EFEMP2: variants seen among roughly 807,000 people sequenced by gnomAD.
EFEMP2 encodes EGF-like fibulin extracellular matrix protein 2, also known as EGF-containing fibulin-like extracellular matrix protein 2.
EFEMP2 carries 21 observed loss-of-function variants against 55.3 expected under a neutral mutation model. The observed-to-expected ratio is 0.38, with a 90% confidence interval of 0.27 to 0.55. The LOEUF is 0.55. EFEMP2 is among the 20% of genes least tolerant of loss of function. The probability of loss-of-function intolerance (pLI) is 0.77; values close to 1 mark genes in which losing one functional copy is unlikely to be tolerated. For synonymous variants in EFEMP2, 275 were observed against 242.3 expected, an observed-to-expected ratio of 1.14 and a Z score of -1.25; for missense variants, 513 against 615.1, an observed-to-expected ratio of 0.83 and a Z score of 1.76.
chr11:65,866,900 G>A lies in EFEMP2; in HGVS notation c.*18C>T. ...CTCAGCTAGGGTAGCTGCAGGGAGG[G>A]TGGCTCCCTCCTGCTCCTCAGAAGG... On this transcript the variant is annotated 3_prime_UTR_variant, in exon 11 of 11. Coordinates refer to ENST00000307998, the MANE Select transcript of EFEMP2 (RefSeq NM_016938.5). 2 of 1,614,004 alleles carry A rather than the reference G, an allele frequency of 1.2e-6. No individual in the cohort carries two copies. The highest frequency in any genetic ancestry group is 1.7e-6 in the Non-Finnish European group (2 of 1,179,948).
chr11:65,869,817 G>A (rs1859932179), intron 7 of EFEMP2, 40 bp downstream of exon 7: 1 of 1,612,480 alleles, frequency 6.2e-7, no homozygotes, highest in Non-Finnish European at 8.5e-7. Flanking sequence ...TAGGGCCTGG[G>A]GGTCCACAGA....
At chr11:65,867,836 C>A in intron 10 of EFEMP2, 25 bp downstream of exon 10, 1 of 1,612,820 alleles carries the variant, frequency 6.2e-7, no homozygotes, top group Non-Finnish European at 8.5e-7. Context: ...TTGTGCATGT[C>A]AGTTGAGGGT....
rs746264126 is a variant in EFEMP2 at position 65,872,271 on chromosome 11, C to T, written c.84G>A (p.Gln28=). Residue 28 remains glutamine, a synonymous_variant, in exon 2 of 11, where the codon CAG becomes CAA. Transcript: ENST00000307998. ...TGTAGCTGTCGGGCTCTTCAGAATC[C>T]TGAGGAGAAGCTGATCCCAAGAGCA... ...LLLLLGSASP[Q]DSEEPDSYTE... is the part of the protein sequence containing the mutation. 7 of 1,551,650 alleles carry T rather than the reference C, an allele frequency of 4.5e-6. No homozygotes were observed. In the South Asian group the frequency reaches 8.3e-5, roughly 18 times the overall value.
intron 7 of EFEMP2, chr11:65,868,885 G>C: frequency 2.0e-6 from 1 of 507,908 alleles, no homozygotes; most frequent in East Asian, 3.7e-5. Context: ...AGAGGCTTGG[G>C]TGTGAATCCC....
chr11:65,869,249 T>C (rs1391669388), intron 7 of EFEMP2: 6 of 191,566 alleles, frequency 3.1e-5, no homozygotes. Context: ...AGCTGAATCA[T>C]GAAAGTCACC....
chr11:65,870,020 A>G, intron 6 of EFEMP2, 44 bp from the exon 7 acceptor site: 1 of 1,612,722 alleles, frequency 6.2e-7, no homozygotes, highest in East Asian at 2.2e-5. Context: ...GCGGAGGAGG[A>G]GCCCAGAGCC....
rs1399832208 is a variant in EFEMP2 at position 65,872,313 on chromosome 11, G to A, written c.42C>T (p.Leu14=). 6.4e-7 allele frequency: 1 copy of A among 1,551,616 alleles called. No homozygotes were observed. Among genetic ancestry groups the A allele is most frequent in the East Asian group, 2.4e-5 (1 of 40,956 alleles). The change falls in exon 2 of 11, where the codon CTC becomes CTT. Residue 14 remains leucine, a synonymous_variant. Transcript: ENST00000307998. ...CCAAGAGCAACAGTAGCAGCGCCCA[G>A]AGCAGTAGAGACCCGGGTAGGCAGG... The part of the protein sequence containing the change: ...CASCLPGSLL[L]WALLLLLLGS...
chr11:65,869,243 G>A (rs1464699021), intron 7 of EFEMP2: 2 of 192,764 alleles, frequency 1.0e-5, no homozygotes, highest in East Asian at 2.5e-4. Context: ...TCTCTTAGCT[G>A]AATCATGAAA....
rs537527660 is a variant in EFEMP2 at position 65,867,399 on chromosome 11, C to T, written c.1171-320G>A. The T allele has an allele frequency of 1.2e-3, 565 of 482,954 alleles. 1 individual carries two copies. Among genetic ancestry groups the T allele is most frequent in the African/African-American group, 0.01 (518 of 51,406 alleles). 29.9% of individuals were successfully genotyped at this position (482,954 alleles called of 1,614,324 possible). ...TTTGGTGACCCAAAGTGAGCAGACTCCCTTCAGAGCATTCAATTTCAAAAA... is the reference window on the plus strand; with the variant it reads ...TTTGGTGACCCAAAGTGAGCAGACTTCCTTCAGAGCATTCAATTTCAAAAA... On this transcript the variant is annotated intron_variant, in intron 10 of 10. Transcript: ENST00000307998.
chr11:65,868,925 C>T, intron 7 of EFEMP2: 1 of 429,746 alleles, frequency 2.3e-6, no homozygotes, highest in East Asian at 5.0e-5. Flanking sequence ...TCTCATTTTC[C>T]CAATCAGTAA....
chr11:65,868,870 A>G (rs1859914020), intron 7 of EFEMP2: 1 of 532,760 alleles, frequency 1.9e-6, no homozygotes, highest in Non-Finnish European at 3.4e-6. Context: ...AGTTACTGGG[A>G]ATCTAGAGGC....
chr11:65,866,773 C>T lies in EFEMP2; in HGVS notation c.*145G>A. On this transcript the variant is annotated 3_prime_UTR_variant, in exon 11 of 11. Transcript: ENST00000307998. ...GCCTGCCCCCCCAAGTGCCACCCTG[C>T]CCCAGCCTGAGGCTTCCTGCAGTGT... 1.8e-6 allele frequency: 2 copies of T among 1,093,074 alleles called. No homozygotes were observed. The highest frequency in any genetic ancestry group is 2.7e-6 in the Non-Finnish European group (2 of 734,504). 67.7% of individuals were successfully genotyped at this position (1,093,074 alleles called of 1,614,324 possible). A position where few individuals can be genotyped will look rare whatever the true frequency, so the allele number is the denominator to read the frequency against.
rs758569402 is a variant in EFEMP2, at chr11:65,871,320, T to C, written c.204A>G (p.Glu68=). ...CCCCGTAGTGGTTGATGCACTTCATTTCCCCCTTGCAGGCCTCAGGGATGG... is the reference window on the plus strand; with the variant it reads ...CCCCGTAGTGGTTGATGCACTTCATCTCCCCCTTGCAGGCCTCAGGGATGG... The part of the protein sequence containing the change: ...CLTIPEACKG[E]MKCINHYGGY... The change falls in exon 4 of 11, where the codon GAA becomes GAG. Residue 68 remains glutamate, a synonymous_variant. Transcript: ENST00000307998. 4 of 1,614,020 alleles carry C rather than the reference T, an allele frequency of 2.5e-6. No homozygotes were observed. The African/African-American group carries it at 5.3e-5, about 22-fold the overall frequency.
intron 7 of EFEMP2, 200 bp from the exon 8 acceptor site, chr11:65,868,829 C>T (rs1230846605): frequency 6.1e-6 from 4 of 655,836 alleles, no homozygotes; most frequent in Non-Finnish European, 1.1e-5. Flanking sequence ...ACAGACTTCT[C>T]TCTGCCCAGA....
chr11:65,872,623 C>T (rs1310664720), intron 1 of EFEMP2, 60 bp downstream of exon 1: 1 of 284,164 alleles, frequency 3.5e-6, no homozygotes, highest in Non-Finnish European at 6.6e-6. Flanking sequence ...GCTACGCTGC[C>T]GCGGACTCGG....
intron 7 of EFEMP2, 26 bp from the exon 8 acceptor site, chr11:65,868,655 C>A: frequency 1.2e-6 from 2 of 1,613,336 alleles, no homozygotes; most frequent in Non-Finnish European, 1.7e-6. Flanking sequence ...GATGGGGACC[C>A]CGGGTCAAGG....
intron 3 of EFEMP2, 62 bp from the exon 4 acceptor site, chr11:65,871,425 G>T: frequency 1.3e-6 from 2 of 1,521,288 alleles, no homozygotes; most frequent in Non-Finnish European, 1.8e-6. Context: ...GGGAGCGGAG[G>T]CAGGAACCCA....
rs1859905952 is a variant in EFEMP2, at chr11:65,868,562, G to A, written c.795C>T (p.Phe265=). Residue 265 remains phenylalanine, a synonymous_variant, in exon 8 of 11, where the codon TTC becomes TTT. Coordinates refer to ENST00000307998, the MANE Select transcript of EFEMP2 (RefSeq NM_016938.5). ...GGTAACCCTGTGGGCAGTGGCAGGA[G>A]AAACGGCCTGGCTCGTTGATGCAGC... ...QYRCINEPGR[F]SCHCPQGYQL... is the part of the protein sequence containing the mutation. 6.2e-7 allele frequency: 1 copy of A among 1,613,938 alleles called. No homozygotes were observed. The highest frequency in any genetic ancestry group is 8.5e-7 in the Non-Finnish European group (1 of 1,180,044).
chr11:65,869,778 G>A (rs1213961544), intron 7 of EFEMP2, 79 bp downstream of exon 7: 10 of 1,599,572 alleles, frequency 6.3e-6, no homozygotes, highest in East Asian at 2.2e-5. Flanking sequence ...CTCAAATGGA[G>A]AACTGTGTGG....
Sources: allele counts gnomAD v4.1 joint callset, GRCh38; gene constraint gnomAD v4.1.1; transcripts MANE v1.5; gene names NCBI Gene and HGNC (gene_info 2026-07-23, HGNC 2026-07-21).